Variants in FER observed in about 807,000 individuals in gnomAD.
FER encodes tyrosine-protein kinase Fer.
Under a neutral mutation model 111.0 loss-of-function variants are expected in FER, and 63 were observed. The ratio of observed to expected loss-of-function variants is 0.57; its 90% CI spans 0.46 to 0.70. The LOEUF is 0.70. FER is among the 30% of genes least tolerant of loss of function. The probability of loss-of-function intolerance (pLI) is 0.00; values close to 1 mark genes in which losing one functional copy is unlikely to be tolerated. For missense variants in FER, 914 were observed against 954.0 expected, an observed-to-expected ratio of 0.96 and a Z score of 0.55; for synonymous variants, 327 against 313.9, an observed-to-expected ratio of 1.04 and a Z score of -0.44.
intron 9 of FER, among the ~76,000 whole-genome samples, chr5:108,885,026 C>G (rs115817367): frequency 6.6e-6 from 1 of 151,976 alleles, no homozygotes; most frequent in Non-Finnish European, 1.5e-5. Context: ...AACCCATTCT[C>G]TTCCGCTCAG....
At chr5:109,161,777 A>T (rs1756014570) in intron 17 of FER, among the ~76,000 whole-genome samples, 1 of 152,180 alleles carries the variant, frequency 6.6e-6, no homozygotes, top group Non-Finnish European at 1.5e-5. Flanking sequence ...ATTAGACCCC[A>T]GTGCAACCCC....
chr5:108,952,758 G>C (rs1757938689), intron 11 of FER, among the ~76,000 whole-genome samples: 1 of 152,030 alleles, frequency 6.6e-6, no homozygotes, highest in Admixed American at 6.6e-5. Context: ...TTGGAATGCT[G>C]GCTGAGCTTT....
intron 9 of FER, among the ~76,000 whole-genome samples, chr5:108,894,842 C>G (rs1483802829): frequency 6.6e-6 from 1 of 152,094 alleles, no homozygotes; most frequent in Non-Finnish European, 1.5e-5. Flanking sequence ...GACTCACGTA[C>G]TGCCGCGAGA....
intron 1 of FER, among the ~76,000 whole-genome samples, chr5:108,758,702 G>T (rs962153780): frequency 6.6e-6 from 1 of 152,148 alleles, no homozygotes; most frequent in African/African-American, 2.4e-5. Context: ...GCCATATCTG[G>T]ATTAGGTGCT....
At chr5:108,749,248 T>C (rs1176206195) in intron 1 of FER, among the ~76,000 whole-genome samples, 1 of 151,790 alleles carries the variant, frequency 6.6e-6, no homozygotes, top group African/African-American at 2.4e-5. Context: ...GCATTCCTGG[T>C]TGGGGCTTGG....
chr5:109,073,241 A>T (rs1322620443), intron 16 of FER, among the ~76,000 whole-genome samples: 2 of 152,118 alleles, frequency 1.3e-5, no homozygotes, highest in Non-Finnish European at 2.9e-5. Context: ...GTTACAAAAC[A>T]GTAGTTTATG....
chr5:108,858,862 C>T (rs1220079067), intron 5 of FER, among the ~76,000 whole-genome samples: 1 of 150,404 alleles, frequency 6.6e-6, no homozygotes, highest in Admixed American at 6.7e-5. Context: ...ATTATTTAAG[C>T]CCTTTCCTAC....
intron 17 of FER, among the ~76,000 whole-genome samples, chr5:109,137,950 A>T (rs1753084510): frequency 6.6e-6 from 1 of 152,174 alleles, no homozygotes; most frequent in Non-Finnish European, 1.5e-5. Flanking sequence ...TTCTCCCGCA[A>T]GATGTACTGG....
rs1762564142 is a variant in FER, at chr5:108,851,743, GTAATTATATATTCAGATA to G, written c.481+15939_481+15956del. On this transcript the variant is annotated intron_variant, in intron 5 of 19. Coordinates refer to ENST00000281092, the MANE Select transcript of FER (RefSeq NM_005246.4). Reference sequence around the variant, plus strand: ...AAAAGATGTTAAAAATAACTACCTTGTAATTATATATTCAGATATAGCCTACTTAATTGATTCTGTATG... The same window carrying G: ...AAAAGATGTTAAAAATAACTACCTTGTAGCCTACTTAATTGATTCTGTATG... 2.0e-5 allele frequency among the ~76,000 whole-genome samples: 3 copies of G among 152,062 alleles called. No individual in the cohort carries two copies. The South Asian group carries it at 6.2e-4, about 32-fold the overall frequency.
At chr5:109,160,190 C>G (rs967341342) in intron 17 of FER, among the ~76,000 whole-genome samples, 2 of 152,140 alleles carry the variant, frequency 1.3e-5, no homozygotes, top group Non-Finnish European at 2.9e-5. Flanking sequence ...TGGAACTATA[C>G]AGGTAACTCT....
chr5:109,077,942 A>C (rs2150011613), intron 16 of FER, among the ~76,000 whole-genome samples: 1 of 152,276 alleles, frequency 6.6e-6, no homozygotes, highest in Admixed American at 6.5e-5. Flanking sequence ...TCCACTTTAC[A>C]CAGGAGGAAA....
At chr5:109,015,907 A>G (rs913433877) in intron 13 of FER, among the ~76,000 whole-genome samples, 1 of 151,806 alleles carries the variant, frequency 6.6e-6, no homozygotes, top group Non-Finnish European at 1.5e-5. Flanking sequence ...TAATGTTTGA[A>G]CCACTATGTC....
intron 9 of FER, among the ~76,000 whole-genome samples, chr5:108,884,684 C>G (rs1746821588): frequency 6.6e-6 from 1 of 151,938 alleles, no homozygotes; most frequent in Admixed American, 6.6e-5. Context: ...CCTACCCACC[C>G]CAAATAATCC....
intron 3 of FER, among the ~76,000 whole-genome samples, chr5:108,824,243 T>C (rs1012132513): frequency 2.0e-5 from 3 of 152,150 alleles, no homozygotes; most frequent in African/African-American, 7.2e-5. Flanking sequence ...TTTGTAAAGA[T>C]TGTTTTAGCA....
chr5:108,832,684 A>G (rs1228873003), intron 3 of FER, 86 bp from the exon 4 acceptor site: 1 of 931,180 alleles, frequency 1.1e-6, no homozygotes, highest in Non-Finnish European at 1.5e-6. Context: ...ACATAAAACT[A>G]AATATTTAAA....
At chr5:108,883,919 G>A (rs1455862304) in intron 9 of FER, among the ~76,000 whole-genome samples, 1 of 151,984 alleles carries the variant, frequency 6.6e-6, no homozygotes, top group African/African-American at 2.4e-5. Context: ...TTAAATGGAA[G>A]CAGACTGATG....
chr5:108,757,828 A>C (rs10477931), intron 1 of FER, among the ~76,000 whole-genome samples: 41,695 of 152,052 alleles, frequency 0.27, 6,312 homozygotes, highest in African/African-American at 0.4. Flanking sequence ...GGGGTTTGCT[A>C]TGGTGACTAT....
At chr5:108,892,273 G>A (rs551418208) in intron 9 of FER, among the ~76,000 whole-genome samples, 7 of 152,136 alleles carry the variant, frequency 4.6e-5, no homozygotes, top group African/African-American at 9.7e-5. Flanking sequence ...CTAGTTTACC[G>A]TCCCACCAAC....
intron 5 of FER, among the ~76,000 whole-genome samples, chr5:108,866,228 A>G (rs1764039511): frequency 1.3e-5 from 2 of 152,232 alleles, no homozygotes; most frequent in South Asian, 2.1e-4. Context: ...AATATGGCAC[A>G]TATACACCAT....
Sources: allele counts gnomAD v4.1 joint callset (sites outside exome capture counted in the v4.1 genomes callset), GRCh38; gene constraint gnomAD v4.1.1; transcripts MANE v1.5; gene names NCBI Gene and HGNC (gene_info 2026-07-23, HGNC 2026-07-21).